The following AUTS2 variants were observed in gnomAD, a reference collection of about 807,000 sequenced individuals.
The protein encoded by AUTS2 is activator of transcription and developmental regulator AUTS2, also known as autism susceptibility gene 2 protein.
Under a neutral mutation model 112.4 loss-of-function variants are expected in AUTS2, and 17 were observed. The observed-to-expected ratio is 0.15, with a 90% CI of 0.10 to 0.23. AUTS2 has a LOEUF of 0.23. AUTS2 is among the 10% of genes least tolerant of loss of function. The pLI, the probability that AUTS2 is intolerant of heterozygous loss-of-function variation, is 1.00. For synonymous variants in AUTS2, 751 were observed against 702.7 expected, an observed-to-expected ratio of 1.07 and a Z score of -1.09; for missense variants, 1,510 against 1,701.6, an observed-to-expected ratio of 0.89 and a Z score of 1.98.
intron 1 of AUTS2, among the ~76,000 whole-genome samples, chr7:69,695,174 GA>G (rs947439328): frequency 1.3e-5 from 2 of 151,388 alleles, no homozygotes; most frequent in African/African-American, 2.4e-5. Flanking sequence ...AAAGAAAAAA[GA>G]AAAAAAAGTC....
intron 5 of AUTS2, among the ~76,000 whole-genome samples, chr7:70,490,901 A>G (rs891575274): frequency 6.6e-6 from 1 of 152,218 alleles, no homozygotes; most frequent in Non-Finnish European, 1.5e-5. Flanking sequence ...CTGAATATTC[A>G]TGGCAGAAGA....
At chr7:69,661,040 A>T (rs76493433) in intron 1 of AUTS2, among the ~76,000 whole-genome samples, 3 of 152,194 alleles carry the variant, frequency 2.0e-5, no homozygotes, top group Non-Finnish European at 2.9e-5. Flanking sequence ...ACAAGAAGCA[A>T]CTCAGGAATT....
At chr7:70,682,145 T>C (rs1808243698) in intron 5 of AUTS2, among the ~76,000 whole-genome samples, 1 of 152,210 alleles carries the variant, frequency 6.6e-6, no homozygotes, top group African/African-American at 2.4e-5. Context: ...TCAGCTTCTT[T>C]CAGTTTCTAT....
At chr7:69,820,911 A>G (rs1410259758) in intron 1 of AUTS2, among the ~76,000 whole-genome samples, 3 of 152,218 alleles carry the variant, frequency 2.0e-5, no homozygotes, top group Non-Finnish European at 4.4e-5. Context: ...ATTCCTCACA[A>G]GTTGGATTCC....
intron 2 of AUTS2, among the ~76,000 whole-genome samples, chr7:70,041,489 T>C (rs1488092251): frequency 3.3e-5 from 5 of 152,178 alleles, no homozygotes; most frequent in South Asian, 2.1e-4. Flanking sequence ...AGTAGTTTCA[T>C]TGATAGTAAT....
At chr7:69,611,207 G>C (rs984862622) in intron 1 of AUTS2, among the ~76,000 whole-genome samples, 1 of 152,148 alleles carries the variant, frequency 6.6e-6, no homozygotes, top group Non-Finnish European at 1.5e-5. Flanking sequence ...TCACGTTTTT[G>C]TTTTTGTGCT....
intron 4 of AUTS2, among the ~76,000 whole-genome samples, chr7:70,403,835 GGTTCAA>G (rs903905944): frequency 6.6e-6 from 1 of 152,106 alleles, no homozygotes; most frequent in Non-Finnish European, 1.5e-5. Context: ...CATTCCTTCT[GGTTCAA>G]GTTTTGTGTT....
At chr7:70,355,253 G>T (rs770175742) in intron 4 of AUTS2, among the ~76,000 whole-genome samples, 1 of 151,846 alleles carries the variant, frequency 6.6e-6, no homozygotes, top group East Asian at 1.9e-4. Context: ...CCAGAAATCC[G>T]ACAGAAAGTA....
chr7:70,666,136 A>C (rs1286409133), intron 5 of AUTS2, among the ~76,000 whole-genome samples: 1 of 151,992 alleles, frequency 6.6e-6, no homozygotes, highest in Non-Finnish European at 1.5e-5. Flanking sequence ...CAAATCCTGG[A>C]CTCACCCCTT....
chr7:70,420,551 A>T (rs908573718), intron 4 of AUTS2, among the ~76,000 whole-genome samples: 1 of 152,216 alleles, frequency 6.6e-6, no homozygotes, highest in African/African-American at 2.4e-5. Context: ...AGACCAAGTA[A>T]TCGGTTCTGT....
chr7:70,663,008 C>T (rs1221224916), intron 5 of AUTS2, among the ~76,000 whole-genome samples: 1 of 152,154 alleles, frequency 6.6e-6, no homozygotes, highest in Non-Finnish European at 1.5e-5. Flanking sequence ...AACACTTATC[C>T]CCATTTTACA....
intron 1 of AUTS2, among the ~76,000 whole-genome samples, chr7:69,892,441 G>A (rs1443774803): frequency 6.6e-6 from 1 of 151,992 alleles, no homozygotes; most frequent in Non-Finnish European, 1.5e-5. Context: ...ATCACACCTG[G>A]CCCAAGAATT....
intron 6 of AUTS2, among the ~76,000 whole-genome samples, chr7:70,760,611 G>C (rs772242141): frequency 6.6e-6 from 1 of 152,242 alleles, no homozygotes; most frequent in Non-Finnish European, 1.5e-5. Context: ...GAGACACAGA[G>C]CTGGATCCCT....
In AUTS2 at chr7:70,739,003, CTTTT is replaced by C. The variant is rs57525224; in HGVS notation, c.743-23836_743-23833del. 1.9e-4 allele frequency among the ~76,000 whole-genome samples: 11 copies of C among 57,298 alleles called. 2 individuals are homozygous for C. The South Asian group carries it at 4.2e-3, about 22-fold the overall frequency. 37.6% of individuals were successfully genotyped at this position (57,298 alleles called of 152,430 possible). A position where few individuals can be genotyped will look rare whatever the true frequency, so the allele number is the denominator to read the frequency against. On this transcript the variant is annotated intron_variant, in intron 6 of 18. Transcript: ENST00000342771. ...GGTGATGTCCACGAGGTTTTGAGGCCTTTTTTTTTTTTTTTTTTTTTTTTTTTTT... is the reference window on the plus strand; with the variant it reads ...GGTGATGTCCACGAGGTTTTGAGGCCTTTTTTTTTTTTTTTTTTTTTTTTT...
chr7:69,668,461 G>T (rs1796171053), intron 1 of AUTS2, among the ~76,000 whole-genome samples: 1 of 152,150 alleles, frequency 6.6e-6, no homozygotes, highest in Non-Finnish European at 1.5e-5. Flanking sequence ...AAGAAGGAGG[G>T]AAACTACCCA....
chr7:70,781,601 C>T lies in AUTS2; in HGVS notation c.2005-14C>T, dbSNP rs1563195326. The T allele has an allele frequency of 2.5e-6, 4 of 1,613,812 alleles. No individual in the cohort carries two copies. Among genetic ancestry groups the T allele is most frequent in the Non-Finnish European group, 2.5e-6 (3 of 1,179,852 alleles). On this transcript the variant is annotated splice_polypyrimidine_tract_variant and intron_variant, in intron 14 of 18. Coordinates refer to ENST00000342771, the MANE Select transcript of AUTS2 (RefSeq NM_015570.4). ...GTTGGCCTTGGGACCCTTACTGTTC[C>T]CCTTGCTGTGTAGAAACAGATGCAG... is the stretch of plus-strand genomic sequence containing the variant.
chr7:70,404,390 C>T (rs1794447184), intron 4 of AUTS2, among the ~76,000 whole-genome samples: 1 of 152,156 alleles, frequency 6.6e-6, no homozygotes, highest in Non-Finnish European at 1.5e-5. Context: ...TAAAAATGCT[C>T]ACATTTTCTT....
In AUTS2 at chr7:70,359,879, A is replaced by G. The variant is rs184618116; in HGVS notation, c.661-75873A>G. On this transcript the variant is annotated intron_variant, in intron 4 of 18. Transcript: ENST00000342771. ...CTATTGTGCTGCTACCCAAATTTTA[A>G]CAATGAGAATTCTGACTTTGATGTG... 4.6e-3 allele frequency among the ~76,000 whole-genome samples: 697 copies of G among 152,366 alleles called. 5 individuals are homozygous for G. Among genetic ancestry groups the G allele is most frequent in the South Asian group, 0.011 (54 of 4,832 alleles).
At chr7:69,707,499 A>G (rs1252657494) in intron 1 of AUTS2, among the ~76,000 whole-genome samples, 2 of 152,250 alleles carry the variant, frequency 1.3e-5, no homozygotes, top group Non-Finnish European at 1.5e-5. Flanking sequence ...TATTTAAAAA[A>G]AAAGTCATGC....
Sources: gnomAD v4.1 joint callset for allele counts (sites outside exome capture counted in the v4.1 genomes callset) on GRCh38, gnomAD v4.1.1 for gene constraint, MANE v1.5 for transcripts, NCBI Gene and HGNC (gene_info 2026-07-23, HGNC 2026-07-21) for gene names.